The following TTC38 variants were observed in gnomAD, a reference collection of about 807,000 sequenced individuals.
TTC38 encodes tetratricopeptide repeat protein 38.
A neutral mutation model predicts 64.2 loss-of-function variants in TTC38; 64 were observed. That is an observed-to-expected ratio of 1.00 (90% CI 0.81 to 1.23). The LOEUF (loss-of-function observed/expected upper bound fraction) is 1.23, where lower values mean the gene tolerates loss of function less well. Ranked by LOEUF, TTC38 falls within the 50% of genes most tolerant of loss-of-function variation. TTC38 has a pLI of 0.00. For missense variants in TTC38, 573 were observed against 615.5 expected (o/e 0.93, Z 0.73); for synonymous variants, 254 against 249.3 (o/e 1.02, Z -0.18).
At position 46,288,566 on chromosome 22, in the gene TTC38, AC is replaced by A; in HGVS notation, c.1062del (p.Thr355ProfsTer68). 6.2e-7 allele frequency: 1 copy of A among 1,612,502 alleles called. No individual in the cohort carries two copies. ...CCCCCAGACCACACAGGAGCTGCTG[AC>A]CACCCTGCGGGACGCCAGCGAGTAT... ...HDPQTTQELL[T>X]TLRDASESPG... On this transcript the variant is annotated frameshift_variant, in exon 11 of 14. Coordinates refer to ENST00000381031, the MANE Select transcript of TTC38 (RefSeq NM_017931.4). LOFTEE classifies it high-confidence loss of function.
intron 9 of TTC38, among the ~76,000 whole-genome samples, chr22:46,285,845 T>C (rs1171035171): frequency 6.6e-6 from 1 of 151,584 alleles, no homozygotes; most frequent in African/African-American, 2.4e-5. Context: ...AAACGCTGTC[T>C]CTACTAAAAA....
At chr22:46,285,183 T>C in intron 8 of TTC38, 58 bp from the exon 9 acceptor site, 2 of 1,518,066 alleles carry the variant, frequency 1.3e-6, no homozygotes. Flanking sequence ...TCAGTTCACG[T>C]GCCAGCATTA....
Position 46,274,142 on chromosome 22 carries a change from T to A in TTC38, c.365+73T>A. ...GGGGAGTGGCAGGGTATCCCTTTCCTGATGCCCTTGGGACGGGGGCGGGGT... is the reference window on the plus strand; with the variant it reads ...GGGGAGTGGCAGGGTATCCCTTTCCAGATGCCCTTGGGACGGGGGCGGGGT... On this transcript the variant is annotated intron_variant, in intron 4 of 13. Transcript: ENST00000381031. The surrounding 1 kb of genome is among the most constrained non-coding windows in gnomAD (Gnocchi z 4.8). 1.1e-6 allele frequency: 1 copy of A among 926,532 alleles called. No individual in the cohort carries two copies. Among genetic ancestry groups the A allele is most frequent in the Non-Finnish European group, 1.6e-6 (1 of 630,294 alleles). The allele number at this position is 926,532 out of a possible 1,614,324, so 57.4% of individuals were successfully genotyped here.
chr22:46,291,240 C>G lies in TTC38; in HGVS notation c.1316+1341C>G, dbSNP rs1433810375. Among the ~76,000 whole-genome samples the G allele has an allele frequency of 1.3e-5, 2 of 152,210 alleles. No homozygotes were observed. Among genetic ancestry groups the G allele is most frequent in the Non-Finnish European group, 2.9e-5 (2 of 68,030 alleles). ...GGTCAAGCCCCCTGGGGAGCTCAGG[C>G]TGTGGTGTGGGTGGGAGTTGGTGCC... is the stretch of plus-strand genomic sequence containing the variant. On this transcript the variant is annotated intron_variant, in intron 13 of 13. Coordinates refer to ENST00000381031, the MANE Select transcript of TTC38 (RefSeq NM_017931.4). This position sits in a 1 kb window ranked among gnomAD's most constrained non-coding sequence, Gnocchi z 4.6.
rs747444401 is a variant in TTC38 at position 46,288,396 on chromosome 22, C to T, written c.917-27C>T. 6.2e-6 allele frequency: 10 copies of T among 1,605,802 alleles called. No individual in the cohort carries two copies. In the Admixed American group the frequency reaches 1.7e-4, roughly 27 times the overall value. ...ACATGCCCCAGAGCCTCACTCCAGG[C>T]CCTGGGTCTCCTCCCCATGTCCTCA... On this transcript the variant is annotated intron_variant, in intron 10 of 13. Transcript: ENST00000381031.
Position 46,283,988 on chromosome 22 carries a change from G to C in TTC38, c.751G>C (p.Ala251Pro). The change falls in exon 8 of 14, where the codon GCT becomes CCT. Residue 251 changes from alanine (A) to proline (P), a missense_variant. Physicochemically the swap from Ala to Pro is conservative, Grantham distance 27. Around this residue, in one of 3 missense-constraint regions of TTC38, gnomAD observed 371 missense variants for 381.8 expected, o/e 0.97. Transcript: ENST00000381031. ...TTTTCTCCAGGACTCTGATATGTTG[G>C]CTTGTCATAACTATTGGCACTGGGC... ...ETFWKDSDMLACHNYWHWALY... is the reference protein window; with the variant it reads ...ETFWKDSDMLPCHNYWHWALY... 6.3e-7 allele frequency: 1 copy of C among 1,597,022 alleles called. No homozygotes were observed. The highest frequency in any genetic ancestry group is 1.1e-5 in the South Asian group (1 of 89,994).
At position 46,282,769 on chromosome 22, in the gene TTC38, A is replaced by G. The variant is rs6008497; in HGVS notation, c.735+1051A>G. On this transcript the variant is annotated intron_variant, in intron 7 of 13. Coordinates refer to ENST00000381031, the MANE Select transcript of TTC38 (RefSeq NM_017931.4). This position sits in a 1 kb window ranked among gnomAD's most constrained non-coding sequence, Gnocchi z 4.4. ...CTCCTGAGCTTGGAAATACCCTAGC[A>G]GGGGCCAGCTCTGAGCCCAGCACAG... Among the ~76,000 whole-genome samples, 14,191 of 152,064 alleles carry G rather than the reference A, an allele frequency of 0.093. 1,461 individuals are homozygous for G. The highest frequency in any genetic ancestry group is 0.26 in the African/African-American group (10,745 of 41,412).
chr22:46,290,845 C>T (rs1260154902), intron 13 of TTC38, among the ~76,000 whole-genome samples: 3 of 152,202 alleles, frequency 2.0e-5, no homozygotes, highest in East Asian at 3.9e-4. Context: ...GCTGCGTAGC[C>T]CGTGTGCCTG....
At chr22:46,268,154 A>G (rs1936803675) in intron 1 of TTC38, 82 bp downstream of exon 1, 10 of 1,452,692 alleles carry the variant, frequency 6.9e-6, no homozygotes, top group Non-Finnish European at 9.2e-6. Flanking sequence ...ATAACGGGAG[A>G]CATGGCCCGG....
Position 46,282,490 on chromosome 22 carries a change from G to A in TTC38, c.735+772G>A, listed in dbSNP as rs1323763915. ...GAGATGGGGCCTCCCCTGGGACAGG[G>A]ACACAGCGTCGCTCACTCAGCGTTT... On this transcript the variant is annotated intron_variant, in intron 7 of 13. Transcript: ENST00000381031. The surrounding 1 kb of genome is among the most constrained non-coding windows in gnomAD (Gnocchi z 4.4). Among the ~76,000 whole-genome samples the A allele has an allele frequency of 6.6e-6, 1 of 152,238 alleles. No individual in the cohort carries two copies. The highest frequency in any genetic ancestry group is 1.5e-5 in the Non-Finnish European group (1 of 68,044).
At position 46,289,859 on chromosome 22, in the gene TTC38, GC is replaced by G; in HGVS notation, c.1278del (p.Leu427Ter). ...CTTCAACCAGCTGCTGATTCACGCG[GC>G]CTTAAACTGCACCTCCAGCGTCCAT... ...DVFNQLLIHA[A>X]LNCTSSVHKN... On this transcript the variant is annotated frameshift_variant, in exon 13 of 14. Coordinates refer to ENST00000381031, the MANE Select transcript of TTC38 (RefSeq NM_017931.4). LOFTEE classifies it high-confidence loss of function. The G allele has an allele frequency of 6.2e-7, 1 of 1,614,198 alleles. No individual in the cohort carries two copies. Among genetic ancestry groups the G allele is most frequent in the South Asian group, 1.1e-5 (1 of 91,088 alleles).
At chr22:46,279,465 C>T (rs2077517508) in intron 6 of TTC38, among the ~76,000 whole-genome samples, 2 of 152,194 alleles carry the variant, frequency 1.3e-5, no homozygotes, top group South Asian at 4.1e-4. Flanking sequence ...CTGCCTAAGA[C>T]CACATGGCTC....
chr22:46,288,348 C>T (rs1209855763), intron 10 of TTC38, 75 bp from the exon 11 acceptor site: 13 of 1,479,436 alleles, frequency 8.8e-6, no homozygotes, highest in African/African-American at 1.4e-5. Context: ...AGGGAAGCGC[C>T]GTGAGGGAGG....
At chr22:46,288,262 C>T (rs1029483123) in intron 10 of TTC38, among the ~76,000 whole-genome samples, 161 bp from the exon 11 acceptor site, 3 of 152,190 alleles carry the variant, frequency 2.0e-5, no homozygotes, top group African/African-American at 7.2e-5. Flanking sequence ...GAGGCCTAAG[C>T]ACAAGGCCAG....
chr22:46,274,266 T>G lies in TTC38; in HGVS notation c.365+197T>G, dbSNP rs903917731. Among the ~76,000 whole-genome samples, 1 of 152,200 alleles carries G rather than the reference T, an allele frequency of 6.6e-6. No individual in the cohort carries two copies. The highest frequency in any genetic ancestry group is 2.4e-5 in the African/African-American group (1 of 41,458). Reference sequence around the variant, plus strand: ...GGTGGAGTGCTGAGTGAGGAAGCAGTTGGTGAAGATTCCCAACTTAGTGTC... The same window carrying G: ...GGTGGAGTGCTGAGTGAGGAAGCAGGTGGTGAAGATTCCCAACTTAGTGTC... On this transcript the variant is annotated intron_variant, in intron 4 of 13. Transcript: ENST00000381031. This position sits in a 1 kb window ranked among gnomAD's most constrained non-coding sequence, Gnocchi z 4.8.
chr22:46,292,584 T>G lies in TTC38; in HGVS notation c.1317-207T>G, dbSNP rs2077623868. Among the ~76,000 whole-genome samples the G allele has an allele frequency of 6.6e-6, 1 of 152,220 alleles. No homozygotes were observed. The highest frequency in any genetic ancestry group is 1.5e-5 in the Non-Finnish European group (1 of 68,034). On this transcript the variant is annotated intron_variant, in intron 13 of 13. Transcript: ENST00000381031. The surrounding 1 kb of genome is among the most constrained non-coding windows in gnomAD (Gnocchi z 6.5). Reference sequence around the variant, plus strand: ...CACCTGTTGTGCCCCATCTCGGGTGTGGCTTCCTGCACTGGAGGTCTGTGC... The same window carrying G: ...CACCTGTTGTGCCCCATCTCGGGTGGGGCTTCCTGCACTGGAGGTCTGTGC...
chr22:46,280,925 C>A (rs1432931709), intron 6 of TTC38, among the ~76,000 whole-genome samples: 1 of 152,150 alleles, frequency 6.6e-6, no homozygotes, highest in Non-Finnish European at 1.5e-5. Flanking sequence ...AGATGCTTAG[C>A]AAACATGAGC....
At chr22:46,290,490 G>T (rs2077605894) in intron 13 of TTC38, among the ~76,000 whole-genome samples, 1 of 150,198 alleles carries the variant, frequency 6.7e-6, no homozygotes, top group Non-Finnish European at 1.5e-5. Flanking sequence ...TGGCTGGAGG[G>T]TGAGTGTTAG....
In TTC38 at chr22:46,292,245, G is replaced by T; in HGVS notation, c.1317-546G>T. On this transcript the variant is annotated intron_variant, in intron 13 of 13. Transcript: ENST00000381031. The surrounding 1 kb of genome is among the most constrained non-coding windows in gnomAD (Gnocchi z 6.5). ...GTCATCCAGGTTGGAATGCAGTGGT[G>T]TGATCACAGTTCACTGTAAACTCAA... 2.2e-6 allele frequency: 1 copy of T among 446,620 alleles called. No homozygotes were observed. The highest frequency in any genetic ancestry group is 4.5e-6 in the Non-Finnish European group (1 of 224,584). 27.7% of individuals were successfully genotyped at this position (446,620 alleles called of 1,614,324 possible).
Sources: allele counts gnomAD v4.1 joint callset (sites outside exome capture counted in the v4.1 genomes callset), GRCh38; gene constraint gnomAD v4.1.1; regional missense constraint gnomAD v4.1.1; non-coding constraint Gnocchi (gnomAD v3.1); transcripts MANE v1.5; gene names NCBI Gene and HGNC (gene_info 2026-07-23, HGNC 2026-07-21).